SLA: variants seen among roughly 807,000 people sequenced by gnomAD.
SLA encodes Src like adaptor, also known as src-like-adapter.
SLA carries 16 observed loss-of-function variants against 30.3 expected under a neutral mutation model. The ratio of observed to expected loss-of-function variants is 0.53; its 90% confidence interval spans 0.36 to 0.80. The LOEUF (loss-of-function observed/expected upper bound fraction) is 0.80. Ranked by LOEUF, SLA falls within the 30% of genes least tolerant of loss-of-function variation. SLA has a pLI of 0.01. For missense variants in SLA, 310 were observed against 345.2 expected (o/e 0.90, Z 0.81); for synonymous variants, 143 against 137.8 (o/e 1.04, Z -0.26).
At chr8:133,046,764 C>T (rs1839490722) in intron 6 of SLA, among the ~76,000 whole-genome samples, 1 of 145,132 alleles carries the variant, frequency 6.9e-6, no homozygotes, top group African/African-American at 2.9e-5. Context: ...TTCTGTACCC[C>T]AGCATATTTG....
chr8:133,038,661 T>G lies in SLA; in HGVS notation c.694A>C (p.Ser232Arg). 1.2e-6 allele frequency: 2 copies of G among 1,613,854 alleles called. No homozygotes were observed. The highest frequency in any genetic ancestry group is 1.7e-6 in the Non-Finnish European group (2 of 1,179,828). ...GTCAGGGACAGGTAAGAGGCAATGC[T>G]CTCTCGAAGGCCATAGCTGAAAAGG... ...ESLFSYGLRESIASYLSLTSE... is the reference protein window; with the variant it reads ...ESLFSYGLRERIASYLSLTSE... The change falls in exon 9 of 9, where the codon AGC becomes CGC. Residue 232 changes from serine (S) to arginine (R), a missense_variant. Transcript: ENST00000338087.
At chr8:133,069,961 A>G (rs1843705254) in intron 2 of SLA, among the ~76,000 whole-genome samples, 1 of 137,816 alleles carries the variant, frequency 7.3e-6, no homozygotes, top group Non-Finnish European at 1.5e-5. Context: ...AGATTGTGCC[A>G]CTGAACTTCA....
chr8:133,044,483 G>A (rs767203260), intron 7 of SLA, among the ~76,000 whole-genome samples: 1 of 152,142 alleles, frequency 6.6e-6, no homozygotes, highest in African/African-American at 2.4e-5. Flanking sequence ...ACCAGGCCAC[G>A]GGGAAGCATG....
chr8:133,060,200 C>A lies in SLA; in HGVS notation c.-40G>T. ...CTGGGGCCGCTGGTGATGCCCAGAG[C>A]CTGTGGTATAGGAGACAGACGGGGA... is the stretch of plus-strand genomic sequence containing the variant. On this transcript the variant is annotated splice_region_variant and 5_prime_UTR_variant, in exon 3 of 9. Transcript: ENST00000338087. 1.2e-6 allele frequency: 2 copies of A among 1,613,454 alleles called. No homozygotes were observed. Among genetic ancestry groups the A allele is most frequent in the Non-Finnish European group, 1.7e-6 (2 of 1,179,674 alleles).
chr8:133,048,822 G>A (rs775130397), intron 5 of SLA: 2 of 172,860 alleles, frequency 1.2e-5, no homozygotes, highest in African/African-American at 4.8e-5. Context: ...GTGGCATCTG[G>A]TATTCACAAT....
chr8:133,045,142 G>A (rs768592921), intron 6 of SLA, 27 bp from the exon 7 acceptor site: 14 of 1,612,998 alleles, frequency 8.7e-6, no homozygotes, highest in Non-Finnish European at 1.2e-5. Flanking sequence ...ATAAGTCAGT[G>A]GGCTCCACCT....
chr8:133,060,498 G>T (rs1323805518), intron 2 of SLA: 5 of 784,210 alleles, frequency 6.4e-6, no homozygotes, highest in South Asian at 1.8e-5. Flanking sequence ...CCACAGCAGG[G>T]TTTGTGTGAG....
intron 2 of SLA, among the ~76,000 whole-genome samples, chr8:133,074,419 A>G (rs568373643): frequency 3.2e-4 from 48 of 152,212 alleles, no homozygotes; most frequent in Admixed American, 7.2e-4. Context: ...GCATATGTCA[A>G]TTTCTTCACT....
intron 1 of SLA, among the ~76,000 whole-genome samples, chr8:133,101,438 A>G (rs1242133664): frequency 6.6e-6 from 1 of 152,154 alleles, no homozygotes; most frequent in African/African-American, 2.4e-5. Context: ...TCCAACCACC[A>G]TCAGCCAAGG....
chr8:133,071,253 G>A (rs1265279732), intron 2 of SLA, among the ~76,000 whole-genome samples: 1 of 152,224 alleles, frequency 6.6e-6, no homozygotes, highest in Non-Finnish European at 1.5e-5. Flanking sequence ...TCATTACGCT[G>A]AGGCCTTTTG....
chr8:133,042,697 T>C (rs1285382932), intron 7 of SLA, among the ~76,000 whole-genome samples: 4 of 130,134 alleles, frequency 3.1e-5, no homozygotes, highest in Non-Finnish European at 6.3e-5. Flanking sequence ...TTTTTTTTTT[T>C]TTTTTTTTTT....
At chr8:133,071,753 C>T (rs1472815941) in intron 2 of SLA, among the ~76,000 whole-genome samples, 1 of 152,060 alleles carries the variant, frequency 6.6e-6, no homozygotes, top group African/African-American at 2.4e-5. Flanking sequence ...ACACTTGGTC[C>T]CCTCTCTTCT....
At chr8:133,039,093 G>A (rs773761282) in intron 8 of SLA, among the ~76,000 whole-genome samples, 2 of 152,114 alleles carry the variant, frequency 1.3e-5, no homozygotes, top group African/African-American at 4.8e-5. Context: ...TGGCCAGGCT[G>A]GTCTCAAACT....
chr8:133,060,361 T>C, intron 2 of SLA, 161 bp from the exon 3 acceptor site: 1 of 1,539,040 alleles, frequency 6.5e-7, no homozygotes, highest in Non-Finnish European at 8.7e-7. Context: ...GATTGGTTAC[T>C]TTTGCGCAGC....
At chr8:133,070,012 AAAAAAAAAAAAAAAG>A (rs1310205249) in intron 2 of SLA, among the ~76,000 whole-genome samples, 3 of 118,516 alleles carry the variant, frequency 2.5e-5, no homozygotes, top group Non-Finnish European at 3.8e-5. Flanking sequence ...AAAAAAAAAA[AAAAAAAAAAAAAAAG>A]AAAGAAAGAA....
chr8:133,081,478 C>T (rs6990302), intron 1 of SLA, among the ~76,000 whole-genome samples: 39,006 of 152,032 alleles, frequency 0.26, 5,315 homozygotes, highest in African/African-American at 0.31. Context: ...GTTGGATCAG[C>T]GGTCCATCTG....
chr8:133,099,855 C>T (rs1848983578), intron 1 of SLA, among the ~76,000 whole-genome samples: 1 of 152,154 alleles, frequency 6.6e-6, no homozygotes, highest in Admixed American at 6.5e-5. Context: ...CACCCTGATC[C>T]AGCCACTTTA....
rs540502760 is a variant in SLA at position 133,050,654 on chromosome 8, A to G, written c.161+162T>C. On this transcript the variant is annotated intron_variant, in intron 4 of 8. Coordinates refer to ENST00000338087, the MANE Select transcript of SLA (RefSeq NM_001045556.3). The stretch of plus-strand genomic sequence containing the variant: ...TATGGAAGGTTCTAGAGCACTGGCC[A>G]CATTAAAGAGGAAGGTTGCAGTATG... 1.5e-5 allele frequency: 9 copies of G among 602,784 alleles called. No homozygotes were observed. In the South Asian group the frequency reaches 1.8e-4, roughly 12 times the overall value. 37.3% of individuals were successfully genotyped at this position (602,784 alleles called of 1,614,324 possible). A position where few individuals can be genotyped will look rare whatever the true frequency, so the allele number is the denominator to read the frequency against.
chr8:133,047,784 T>C (rs777001717), intron 6 of SLA, 46 bp downstream of exon 6: 1 of 1,074,442 alleles, frequency 9.3e-7, no homozygotes, highest in South Asian at 1.2e-5. Context: ...GAGCAAAACA[T>C]GCTTGTCTGC....
Sources: allele counts gnomAD v4.1 joint callset (sites outside exome capture counted in the v4.1 genomes callset), GRCh38; gene constraint gnomAD v4.1.1; transcripts MANE v1.5; gene names NCBI Gene and HGNC (gene_info 2026-07-23, HGNC 2026-07-21).